TMTC4: variants seen among roughly 807,000 people sequenced by gnomAD.
TMTC4 encodes the protein protein O-mannosyl-transferase TMTC4.
In TMTC4, 65 loss-of-function variants were observed where a neutral mutation model predicts 86.0. The ratio of observed to expected loss-of-function variants is 0.76; its 90% confidence interval spans 0.62 to 0.93. TMTC4 has a LOEUF of 0.93. TMTC4 is among the 40% of genes least tolerant of loss of function. The pLI is 0.00. For synonymous variants in TMTC4, 379 were observed against 382.5 expected, an observed-to-expected ratio of 0.99 and a Z score of 0.11; for missense variants, 866 against 948.1, an observed-to-expected ratio of 0.91 and a Z score of 1.14.
chr13:100,674,808 C>A (rs918563076), upstream of TMTC4: 47 of 981,606 alleles, frequency 4.8e-5, no homozygotes, highest in Admixed American at 2.5e-4. Flanking sequence ...CGGCTCCAGG[C>A]ACCCGCCCGG....
intron 6 of TMTC4, among the ~76,000 whole-genome samples, chr13:100,645,640 G>A (rs866454329): frequency 6.6e-6 from 1 of 151,632 alleles, no homozygotes; most frequent in Non-Finnish European, 1.5e-5. Flanking sequence ...CCTGACTGCC[G>A]CTGTGAGGTG....
rs150029881 is a variant in TMTC4, at chr13:100,625,452, G to GT, written c.1836+82dup. The GT allele has an allele frequency of 2.3e-3, 3,553 of 1,540,444 alleles. 66 individuals carry two copies. The African/African-American group carries it at 0.043, about 18-fold the overall frequency. The stretch of plus-strand genomic sequence containing the variant: ...GAACTTTATAAAATGTATGGGCTAG[G>GT]TGGGTGTCACTATGTCATTTTATTA... On this transcript the variant is annotated intron_variant, in intron 15 of 18. Transcript: ENST00000342624.
In TMTC4 at chr13:100,670,544, A is replaced by C. The variant is rs1886955741; in HGVS notation, c.-182T>G. The C allele has an allele frequency of 1.8e-6, 1 of 557,620 alleles. No individual in the cohort carries two copies. 34.5% of individuals were successfully genotyped at this position (557,620 alleles called of 1,614,324 possible). On this transcript the variant is annotated 5_prime_UTR_variant, in exon 2 of 19. Transcript: ENST00000342624. ...ACTTTTCTTTTCCAGTCAAAGGATA[A>C]ACCACTTCTCGAATCTAAATTACAA...
intron 7 of TMTC4, among the ~76,000 whole-genome samples, chr13:100,639,370 C>T (rs1181829200): frequency 2.0e-5 from 3 of 152,116 alleles, no homozygotes; most frequent in South Asian, 4.1e-4. Flanking sequence ...CACAGAAGAC[C>T]GTTTCTGCCT....
rs946837 is a variant in TMTC4 at position 100,635,086 on chromosome 13, C to T, written c.1312G>A (p.Val438Ile). ...VAERVLYLPS[V>I]GYCVLLTFGF... ...AAAGTCAGCAGCACACAGTACCCAA[C>T]GCTGGGGAGGTAGAGGACACGCTCT... Residue 438 changes from valine (V) to isoleucine (I), a missense_variant, in exon 11 of 19, where the codon GTT becomes ATT. Physicochemically the swap from Val to Ile is conservative, Grantham distance 29. Coordinates refer to ENST00000342624, the MANE Select transcript of TMTC4 (RefSeq NM_032813.5). The T allele has an allele frequency of 0.32, 514,834 of 1,613,636 alleles. 85,515 individuals are homozygous for T. Among genetic ancestry groups the T allele is most frequent in the East Asian group, 0.59 (26,497 of 44,860 alleles).
In TMTC4 at chr13:100,626,159, A is replaced by G. The variant is rs1463238462; in HGVS notation, c.1507-9T>C. 1.2e-6 allele frequency: 2 copies of G among 1,614,094 alleles called. No individual in the cohort carries two copies. The highest frequency in any genetic ancestry group is 1.7e-6 in the Non-Finnish European group (2 of 1,179,944). On this transcript the variant is annotated splice_polypyrimidine_tract_variant and intron_variant, in intron 12 of 18. Coordinates refer to ENST00000342624, the MANE Select transcript of TMTC4 (RefSeq NM_032813.5). ...CCAATGTTGTAGTGAACCTGCAGAC[A>G]GAGAATAATTGGGCCATCAGCAGAC...
intron 15 of TMTC4, among the ~76,000 whole-genome samples, chr13:100,618,269 C>T (rs1878824262): frequency 6.6e-6 from 1 of 152,118 alleles, no homozygotes; most frequent in South Asian, 2.1e-4. Context: ...TGTCGAATCA[C>T]ACCGTCCATG....
intron 12 of TMTC4, among the ~76,000 whole-genome samples, chr13:100,630,485 C>CAGTT (rs1212867385): frequency 6.6e-6 from 1 of 152,122 alleles, no homozygotes; most frequent in Non-Finnish European, 1.5e-5. Context: ...GGAGGAGGCT[C>CAGTT]AGTTAATGCT....
In TMTC4 at chr13:100,636,596, G is replaced by A; in HGVS notation, c.1138C>T (p.Leu380Phe). 6.2e-7 allele frequency: 1 copy of A among 1,614,210 alleles called. No individual in the cohort carries two copies. Among genetic ancestry groups the A allele is most frequent in the South Asian group, 1.1e-5 (1 of 91,078 alleles). Residue 380 changes from leucine (L) to phenylalanine (F), a missense_variant, in exon 10 of 19, where the codon CTC (leucine) becomes TTC (phenylalanine). Physicochemically the swap from Leu to Phe is conservative, Grantham distance 22. Transcript: ENST00000342624. Reference sequence around the variant, plus strand: ...ATCAGGCCAATTAGGCAGAACCAGAGTGCTGCAAGTGCAATTACCCTCCAG... The same window carrying A: ...ATCAGGCCAATTAGGCAGAACCAGAATGCTGCAAGTGCAATTACCCTCCAG... ...SDWRVIALAALWFCLIGLICQ... is the reference protein window; with the variant it reads ...SDWRVIALAAFWFCLIGLICQ...
At position 100,670,564 on chromosome 13, in the gene TMTC4, T is replaced by C. The variant is rs1002061990; in HGVS notation, c.-202A>G. On this transcript the variant is annotated 5_prime_UTR_variant, in exon 2 of 19. Transcript: ENST00000342624. ...GGATAAACCACTTCTCGAATCTAAA[T>C]TACAACTGCAAACACAACACAGGTT... 6.0e-5 allele frequency: 32 copies of C among 534,748 alleles called. No individual in the cohort carries two copies. Among genetic ancestry groups the C allele is most frequent in the Non-Finnish European group, 1.0e-4 (31 of 307,430 alleles). The allele number at this position is 534,748 out of a possible 1,614,324, so 33.1% of individuals were successfully genotyped here.
chr13:100,636,444 C>CA (rs1045473362), intron 10 of TMTC4, 88 bp downstream of exon 10: 1 of 1,496,306 alleles, frequency 6.7e-7, no homozygotes, highest in East Asian at 2.3e-5. Context: ...GTGACTTCCA[C>CA]AAAATCATAA....
At chr13:100,674,187 GC>G in intron 1 of TMTC4, 1 of 982,304 alleles carries the variant, frequency 1.0e-6, no homozygotes, top group Non-Finnish European at 1.2e-6. Context: ...CGGGCCGGTG[GC>G]CCCGCGCTCG....
chr13:100,654,778 C>T (rs1884871314), intron 6 of TMTC4, among the ~76,000 whole-genome samples: 1 of 152,024 alleles, frequency 6.6e-6, no homozygotes, highest in African/African-American at 2.4e-5. Context: ...TTCATTATTT[C>T]ACAAGAGCAA....
intron 15 of TMTC4, among the ~76,000 whole-genome samples, chr13:100,623,261 C>T (rs1879822964): frequency 6.6e-6 from 1 of 152,224 alleles, no homozygotes; most frequent in African/African-American, 2.4e-5. Context: ...GAGGCAGAAT[C>T]TCACTCTGTT....
At chr13:100,665,378 C>T (rs1276070200) in intron 3 of TMTC4, among the ~76,000 whole-genome samples, 1 of 152,236 alleles carries the variant, frequency 6.6e-6, no homozygotes, top group Non-Finnish European at 1.5e-5. Flanking sequence ...CATCAAGATT[C>T]TTCATCGCAG....
chr13:100,671,875 G>T (rs1341342453), intron 1 of TMTC4, among the ~76,000 whole-genome samples: 1 of 92,388 alleles, frequency 1.1e-5, no homozygotes, highest in African/African-American at 3.4e-5. Flanking sequence ...ACTAGCAAAC[G>T]CAAAAAAAAA....
intron 17 of TMTC4, among the ~76,000 whole-genome samples, chr13:100,608,155 G>C (rs1876956872): frequency 6.6e-6 from 1 of 152,224 alleles, no homozygotes; most frequent in Non-Finnish European, 1.5e-5. Context: ...GAGTTTTCTA[G>C]TGTTGCTAAA....
At chr13:100,669,705 C>T (rs976503214) in intron 2 of TMTC4, among the ~76,000 whole-genome samples, 2 of 152,108 alleles carry the variant, frequency 1.3e-5, no homozygotes, top group Middle Eastern at 3.2e-3. Flanking sequence ...CAGTGGTCAG[C>T]GGTGCCTAAC....
At chr13:100,617,289 G>A (rs952950954) in intron 15 of TMTC4, among the ~76,000 whole-genome samples, 2 of 152,162 alleles carry the variant, frequency 1.3e-5, no homozygotes, top group East Asian at 1.9e-4. Flanking sequence ...CACATACCAC[G>A]ATGCCCAGCT....
Sources: allele counts gnomAD v4.1 joint callset (sites outside exome capture counted in the v4.1 genomes callset), GRCh38; gene constraint gnomAD v4.1.1; transcripts MANE v1.5; gene names NCBI Gene and HGNC (gene_info 2026-07-23, HGNC 2026-07-21).